Variants in SOX5 observed in about 807,000 individuals in gnomAD.
SOX5 encodes the protein transcription factor SOX-5.
A neutral mutation model predicts 92.0 loss-of-function variants in SOX5; 9 were observed. The observed-to-expected ratio is 0.10, with a 90% confidence interval of 0.06 to 0.17. The LOEUF (loss-of-function observed/expected upper bound fraction) is 0.17, where lower values mean the gene tolerates loss of function less well. SOX5 is among the 10% of genes least tolerant of loss of function. SOX5 has a pLI of 1.00. For missense variants in SOX5, 642 were observed against 944.5 expected (o/e 0.68, Z 4.20); for synonymous variants, 344 against 336.3 (o/e 1.02, Z -0.25).
intron 2 of SOX5, among the ~76,000 whole-genome samples, chr12:23,869,327 A>C (rs2096848555): frequency 6.6e-6 from 1 of 152,138 alleles, no homozygotes; most frequent in East Asian, 1.9e-4. Flanking sequence ...CATACCTAGA[A>C]TATCTGTTCC....
intron 4 of SOX5, among the ~76,000 whole-genome samples, chr12:24,184,335 T>C (rs984942979): frequency 1.3e-5 from 2 of 152,156 alleles, no homozygotes; most frequent in African/African-American, 4.8e-5. Flanking sequence ...ACTATTACAC[T>C]AGATGATAGA....
intron 7 of SOX5, among the ~76,000 whole-genome samples, chr12:23,664,398 A>G: frequency 7.1e-6 from 1 of 141,108 alleles, no homozygotes; most frequent in Admixed American, 7.2e-5. Flanking sequence ...ATAATATTTC[A>G]CTATTTTTTT....
At chr12:23,907,066 T>C (rs202015652) in intron 1 of SOX5, among the ~76,000 whole-genome samples, 2 of 152,138 alleles carry the variant, frequency 1.3e-5, no homozygotes, top group Non-Finnish European at 2.9e-5. Context: ...TCAGAACAAT[T>C]GGTAGTGAAA....
intron 9 of SOX5, among the ~76,000 whole-genome samples, chr12:23,578,862 C>G (rs151175249): frequency 6.6e-6 from 1 of 152,166 alleles, no homozygotes; most frequent in Non-Finnish European, 1.5e-5. Context: ...ATCATCATAA[C>G]TCTTGCAAAA....
intron 2 of SOX5, among the ~76,000 whole-genome samples, chr12:24,332,647 T>C (rs562313421): frequency 1.2e-3 from 190 of 152,118 alleles, no homozygotes; most frequent in African/African-American, 4.3e-3. Context: ...GCAGAAAGTA[T>C]ACAGGGAAGA....
chr12:24,102,288 G>A (rs1028438922), intron 4 of SOX5, among the ~76,000 whole-genome samples: 2 of 152,104 alleles, frequency 1.3e-5, no homozygotes, highest in African/African-American at 4.8e-5. Flanking sequence ...AATGTTCAAT[G>A]GTGTCAATAC....
chr12:24,531,812 C>T (rs1260060797), intron 1 of SOX5, among the ~76,000 whole-genome samples: 1 of 152,170 alleles, frequency 6.6e-6, no homozygotes, highest in Non-Finnish European at 1.5e-5. Flanking sequence ...TAAAGCCTTC[C>T]TTCCAAGTAA....
chr12:23,644,257 A>G (rs1446219371), intron 7 of SOX5, among the ~76,000 whole-genome samples: 23 of 152,192 alleles, frequency 1.5e-4, no homozygotes, highest in Non-Finnish European at 4.4e-5. Context: ...GAGGCATGCC[A>G]ACAGTTAATG....
chr12:24,511,307 G>A (rs1308491134), intron 1 of SOX5, among the ~76,000 whole-genome samples: 1 of 152,140 alleles, frequency 6.6e-6, no homozygotes, highest in South Asian at 2.1e-4. Context: ...ATGCAGTGTG[G>A]TAATGTGTTC....
chr12:24,435,517 T>C (rs575258722), intron 1 of SOX5, among the ~76,000 whole-genome samples: 5 of 152,370 alleles, frequency 3.3e-5, no homozygotes, highest in African/African-American at 1.2e-4. Context: ...ACTACTAGAT[T>C]ATACATTTCT....
At chr12:23,900,926 C>T (rs1194571032) in intron 1 of SOX5, among the ~76,000 whole-genome samples, 2 of 152,062 alleles carry the variant, frequency 1.3e-5, no homozygotes, top group African/African-American at 4.8e-5. Flanking sequence ...CGCCACTGCT[C>T]TCCAGCCTGG....
Position 23,762,612 on chromosome 12 carries a change from A to G in SOX5, c.482-6888T>C, listed in dbSNP as rs200583287. The G allele has an allele frequency of 1.4e-3, 582 of 429,192 alleles. 1 individual carries two copies. The East Asian group carries it at 0.019, about 14-fold the overall frequency. 26.6% of individuals were successfully genotyped at this position (429,192 alleles called of 1,614,324 possible). Reference sequence around the variant, plus strand: ...TTAATGAGAGCCTGTTAATACAAAAAGAAAAAAAAAAAAGTCTTTGGCTGA... The same window carrying G: ...TTAATGAGAGCCTGTTAATACAAAAGGAAAAAAAAAAAAGTCTTTGGCTGA... On this transcript the variant is annotated intron_variant, in intron 3 of 14. Coordinates refer to ENST00000451604, the MANE Select transcript of SOX5 (RefSeq NM_006940.6).
At chr12:24,500,116 G>C (rs1024626178) in intron 1 of SOX5, among the ~76,000 whole-genome samples, 7 of 152,274 alleles carry the variant, frequency 4.6e-5, no homozygotes, top group Admixed American at 2.0e-4. Context: ...GCCTGACATA[G>C]AGCTTTGTGT....
At chr12:24,331,873 A>AAT (rs1555233617) in intron 2 of SOX5, among the ~76,000 whole-genome samples, 3,533 of 141,244 alleles carry the variant, frequency 0.025, 123 homozygotes, top group Non-Finnish European at 0.042. Flanking sequence ...AAAAAAAAAA[A>AAT]AAGGAAAGAA....
At chr12:24,471,811 T>C (rs1439514960) in intron 1 of SOX5, among the ~76,000 whole-genome samples, 5 of 152,154 alleles carry the variant, frequency 3.3e-5, no homozygotes, top group Non-Finnish European at 5.9e-5. Flanking sequence ...AAAAAAGTTT[T>C]TCAATAAGTT....
At chr12:23,964,981 C>T (rs1474845265) in intron 4 of SOX5, among the ~76,000 whole-genome samples, 2 of 152,194 alleles carry the variant, frequency 1.3e-5, no homozygotes, top group African/African-American at 2.4e-5. Flanking sequence ...TGGTGAGCAC[C>T]AGGGCTAGCG....
chr12:23,887,908 A>AGTGTGTGTGTGTGTGTGTGT lies in SOX5; in HGVS notation c.270+7884_270+7885insACACACACACACACACACAC, dbSNP rs1169542903. Among the ~76,000 whole-genome samples the AGTGTGTGTGTGTGTGTGTGT allele has an allele frequency of 1.0e-4, 11 of 105,952 alleles. No individual in the cohort carries two copies. The East Asian group carries it at 1.4e-3, about 13-fold the overall frequency. 69.5% of individuals were successfully genotyped at this position (105,952 alleles called of 152,430 possible). On this transcript the variant is annotated intron_variant, in intron 2 of 14. Transcript: ENST00000451604. Reference sequence around the variant, plus strand: ...ACCTTGAATTGATGGTAATTGGTCCAGTGTGTATATGTGTGTGTGTGTGTG... The same window carrying AGTGTGTGTGTGTGTGTGTGT: ...ACCTTGAATTGATGGTAATTGGTCCAGTGTGTGTGTGTGTGTGTGTGTGTGTATATGTGTGTGTGTGTGTG...
At chr12:24,152,207 T>C (rs1233411269) in intron 4 of SOX5, among the ~76,000 whole-genome samples, 1 of 152,198 alleles carries the variant, frequency 6.6e-6, no homozygotes, top group Non-Finnish European at 1.5e-5. Context: ...TGGGTACAAC[T>C]AATATTTTTA....
chr12:23,578,941 A>ACAAAGCAAAGCAAAG (rs3030240), intron 9 of SOX5, among the ~76,000 whole-genome samples: 1 of 151,440 alleles, frequency 6.6e-6, no homozygotes, highest in Non-Finnish European at 1.5e-5. Flanking sequence ...AAGAAACAAA[A>ACAAAGCAAAGCAAAG]CAAAGCAAAG....
Sources: gnomAD v4.1 joint callset for allele counts (sites outside exome capture counted in the v4.1 genomes callset) on GRCh38, gnomAD v4.1.1 for gene constraint, MANE v1.5 for transcripts, NCBI Gene and HGNC (gene_info 2026-07-23, HGNC 2026-07-21) for gene names.